Variants in LRIT3 observed in about 807,000 individuals in gnomAD.
LRIT3 encodes leucine-rich repeat, immunoglobulin-like domain and transmembrane domain-containing protein 3.
LRIT3 carries 14 observed loss-of-function variants against 22.6 expected under a neutral mutation model. The observed-to-expected ratio is 0.62, with a 90% CI of 0.41 to 0.97. LRIT3 has a LOEUF of 0.97. Among genes scored for constraint, LRIT3 ranks in the 50% least tolerant of loss-of-function variants. LRIT3 has a pLI of 0.00. For missense variants in LRIT3, 783 were observed against 803.0 expected (o/e 0.98, Z 0.30); for synonymous variants, 306 against 304.5 (o/e 1.01, Z -0.05).
At chr4:109,855,028 T>C (rs1376233374) in intron 2 of LRIT3, among the ~76,000 whole-genome samples, 1 of 152,174 alleles carries the variant, frequency 6.6e-6, no homozygotes, top group African/African-American at 2.4e-5. Flanking sequence ...TGGCCTGAAA[T>C]TTTCTTTTTT....
intron 2 of LRIT3, among the ~76,000 whole-genome samples, chr4:109,855,554 A>G (rs1258026856): frequency 2.0e-5 from 3 of 151,962 alleles, no homozygotes; most frequent in African/African-American, 2.4e-5. Flanking sequence ...TTCTGCTCTG[A>G]TCTTAGTAAT....
At chr4:109,854,570 T>A (rs765884472) in intron 2 of LRIT3, among the ~76,000 whole-genome samples, 1 of 152,160 alleles carries the variant, frequency 6.6e-6, no homozygotes, top group Non-Finnish European at 1.5e-5. Context: ...CTTTATTTCT[T>A]TTGCCTGATT....
intron 2 of LRIT3, among the ~76,000 whole-genome samples, chr4:109,861,960 C>T (rs1281913664): frequency 1.3e-5 from 2 of 152,154 alleles, no homozygotes; most frequent in Non-Finnish European, 2.9e-5. Context: ...TATTATCCAT[C>T]TCAAAATAGT....
At chr4:109,864,003 T>C (rs1734617469) in intron 2 of LRIT3, among the ~76,000 whole-genome samples, 1 of 152,148 alleles carries the variant, frequency 6.6e-6, no homozygotes. Flanking sequence ...AGTTGAAGTG[T>C]TTTCAAACTA....
At chr4:109,865,043 A>G (rs1389655924) in intron 2 of LRIT3, 3 of 1,400,972 alleles carry the variant, frequency 2.1e-6, no homozygotes, top group East Asian at 2.6e-5. Flanking sequence ...TTACTGAGTG[A>G]TGATGGATTT....
At chr4:109,865,416 G>A (rs1734653071) in intron 2 of LRIT3, 1 of 912,278 alleles carries the variant, frequency 1.1e-6, no homozygotes, top group African/African-American at 1.7e-5. Flanking sequence ...GTTTTTGAAT[G>A]TCTATGAACT....
Position 109,870,394 on chromosome 4 carries a change from C to T in LRIT3, c.1645C>T (p.Gln549Ter), listed in dbSNP as rs377143616. Residue 549 changes from glutamine to a stop codon, truncating the protein, a stop_gained, in exon 4 of 4, where the codon CAA (glutamine) becomes TAA (stop). Transcript: ENST00000594814. LOFTEE classifies it low-confidence loss of function (END_TRUNC). ...CATAGATGGCTTGGAACCCGGTGGG[C>T]AATACATGGCCTGTGTCTGTCCAAA... ...VTIDGLEPGG[Q>*]YMACVCPKGV... 1.8e-5 allele frequency: 29 copies of T among 1,614,036 alleles called. 1 individual carries two copies. The highest frequency in any genetic ancestry group is 1.0e-4 in the Admixed American group (6 of 59,988).
In LRIT3 at chr4:109,869,901, A is replaced by G. The variant is rs371623354; in HGVS notation, c.1152A>G (p.Ser384=). 31 of 1,613,952 alleles carry G rather than the reference A, an allele frequency of 1.9e-5. No individual in the cohort carries two copies. In the South Asian group the frequency reaches 2.6e-4, roughly 14 times the overall value. Residue 384 remains serine, a synonymous_variant, in exon 4 of 4, where the codon TCA becomes TCG. Transcript: ENST00000594814. ...GRSTSVSSAS[S]YLWSSSFSPT... ...CTACATCTGTATCTAGCGCATCATC[A>G]TATCTTTGGTCCTCTTCCTTCTCCC...
At position 109,848,171 on chromosome 4, in the gene LRIT3, C is replaced by G; in HGVS notation, c.-31C>G. 1 of 1,178,098 alleles carries G rather than the reference C, an allele frequency of 8.5e-7. No homozygotes were observed. The highest frequency in any genetic ancestry group is 1.6e-5 in the African/African-American group (1 of 63,436). The allele number at this position is 1,178,098 out of a possible 1,614,324, so 73.0% of individuals were successfully genotyped here. ...CTGAATGCTTAGGATTCGGTTTTTA[C>G]CTTTTGTTTAAATAACCTCTAAAAG... On this transcript the variant is annotated 5_prime_UTR_variant, in exon 1 of 4. The change creates a premature stop within an existing upstream ORF in the 5' untranslated region. Coordinates refer to ENST00000594814, the MANE Select transcript of LRIT3 (RefSeq NM_198506.5).
chr4:109,850,413 TC>T (rs1373605703), intron 1 of LRIT3, among the ~76,000 whole-genome samples: 702 of 18,256 alleles, frequency 0.038, 63 homozygotes, highest in Admixed American at 0.049. Flanking sequence ...CTTCCTTCCT[TC>T]CTTCCTTCCT....
In LRIT3 at chr4:109,851,841, C is replaced by A. The variant is rs1190963184; in HGVS notation, c.454C>A (p.Leu152Met). 1.9e-6 allele frequency: 3 copies of A among 1,551,656 alleles called. No individual in the cohort carries two copies. Among genetic ancestry groups the A allele is most frequent in the Non-Finnish European group, 1.7e-6 (2 of 1,146,998 alleles). ...TSVPNEALRY[L>M]KNLAYLDLSS... ...TGTGCCAAATGAGGCGCTCAGGTAT[C>A]TGAAGAACCTTGCCTACTTGGATTT... The change falls in exon 2 of 4, where the codon CTG becomes ATG. Residue 152 changes from leucine (L) to methionine (M), a missense_variant. Leu to Met is a conservative substitution (Grantham distance 15, BLOSUM62 2). Transcript: ENST00000594814.
In LRIT3 at chr4:109,869,795, C is replaced by T. The variant is rs199662798; in HGVS notation, c.1046C>T (p.Thr349Ile). The T allele has an allele frequency of 3.2e-4, 518 of 1,613,768 alleles. No individual in the cohort carries two copies. The highest frequency in any genetic ancestry group is 4.2e-4 in the Non-Finnish European group (499 of 1,179,820). Residue 349 changes from threonine to isoleucine, a missense_variant, in exon 4 of 4, where the codon ACC becomes ATC. Physicochemically the swap from Thr to Ile is moderately conservative, Grantham distance 89 (BLOSUM62 -1). Around this residue, in one of 2 missense-constraint regions of LRIT3, gnomAD observed 756 missense variants for 753.8 expected, o/e 1.00. Transcript: ENST00000594814. Reference protein sequence around the residue: ...AVVTVTVLGITTTPIPPDTSE... With the variant: ...AVVTVTVLGIITTPIPPDTSE... ...GTTACTGTGACAGTGCTTGGCATTA[C>T]CACAACTCCAATACCACCAGACACT...
At chr4:109,853,201 A>T (rs1048328452) in intron 2 of LRIT3, among the ~76,000 whole-genome samples, 2 of 152,170 alleles carry the variant, frequency 1.3e-5, no homozygotes, top group Non-Finnish European at 2.9e-5. Context: ...TCCCACCAAC[A>T]GTGTAAAAAC....
Position 109,870,307 on chromosome 4 carries a change from T to C in LRIT3, c.1558T>C (p.Ser520Pro). The C allele has an allele frequency of 6.2e-7, 1 of 1,614,178 alleles. No individual in the cohort carries two copies. The highest frequency in any genetic ancestry group is 1.6e-4 in the Middle Eastern group (1 of 6,062). Residue 520 changes from serine to proline, a missense_variant, in exon 4 of 4, where the codon TCC becomes CCC. Around this residue, in one of 2 missense-constraint regions of LRIT3, gnomAD observed 756 missense variants for 753.8 expected, o/e 1.00. Transcript: ENST00000594814. The part of the protein sequence containing the change: ...THNSAVTVLY[S>P]KYGGKDLLLL... ...TAACTCTGCAGTGACTGTGTTGTAT[T>C]CCAAGTATGGTGGGAAGGACCTGCT...
chr4:109,866,424 C>T (rs544432620), intron 2 of LRIT3, among the ~76,000 whole-genome samples: 3 of 152,260 alleles, frequency 2.0e-5, no homozygotes, highest in South Asian at 4.1e-4. Flanking sequence ...TTTACAGTCA[C>T]GCCTGGATTC....
chr4:109,867,218 T>C (rs1286895491), intron 2 of LRIT3, among the ~76,000 whole-genome samples: 1 of 152,174 alleles, frequency 6.6e-6, no homozygotes, highest in Non-Finnish European at 1.5e-5. Flanking sequence ...GTCTTGGCTC[T>C]GACACTAATT....
intron 2 of LRIT3, among the ~76,000 whole-genome samples, chr4:109,855,337 T>C (rs1734374660): frequency 6.6e-6 from 1 of 152,206 alleles, no homozygotes. Context: ...TAGAGGTGTT[T>C]ATAGTATTCT....
At chr4:109,860,413 A>T (rs1734507596) in intron 2 of LRIT3, among the ~76,000 whole-genome samples, 1 of 152,298 alleles carries the variant, frequency 6.6e-6, no homozygotes, top group Non-Finnish European at 1.5e-5. Context: ...TGGTTTGAGG[A>T]AACAAATCCA....
chr4:109,870,568 T>G lies in LRIT3; in HGVS notation c.1819T>G (p.Cys607Gly), dbSNP rs775779907. Residue 607 changes from cysteine to glycine, a missense_variant, in exon 4 of 4, where the codon TGC becomes GGC. Physicochemically the swap from Cys to Gly is radical, Grantham distance 159. Around this residue, in one of 2 missense-constraint regions of LRIT3, gnomAD observed 756 missense variants for 753.8 expected, o/e 1.00. Transcript: ENST00000594814. ...GATTTGTTTCTTGTTGTACAAAGTT[T>G]GCAAACTGCAATGTAAATCAGAACC... ...PLICFLLYKV[C>G]KLQCKSEPFW... The G allele has an allele frequency of 3.1e-6, 5 of 1,614,000 alleles. No homozygotes were observed. In the Admixed American group the frequency reaches 6.7e-5, roughly 22 times the overall value.
Sources: allele counts gnomAD v4.1 joint callset (sites outside exome capture counted in the v4.1 genomes callset), GRCh38; gene constraint gnomAD v4.1.1; regional missense constraint gnomAD v4.1.1; transcripts MANE v1.5; gene names NCBI Gene and HGNC (gene_info 2026-07-23, HGNC 2026-07-21).